VWDE: variants seen among roughly 807,000 people sequenced by gnomAD.
VWDE encodes the protein von Willebrand factor D and EGF domains.
VWDE carries 207 observed loss-of-function variants against 178.4 expected under a neutral mutation model. The ratio of observed to expected loss-of-function variants is 1.16; its 90% CI spans 1.04 to 1.30. VWDE has a LOEUF of 1.30. VWDE is among the 50% of genes most tolerant of loss of function. VWDE has a pLI of 0.00. For missense variants in VWDE, 2,287 were observed against 1,901.3 expected (o/e 1.20, Z -3.77); for synonymous variants, 738 against 651.4 (o/e 1.13, Z -2.02).
intron 13 of VWDE, among the ~76,000 whole-genome samples, chr7:12,363,245 C>T (rs1311103377): frequency 6.6e-6 from 1 of 151,934 alleles, no homozygotes; most frequent in African/African-American, 2.4e-5. Flanking sequence ...AGGGAGACTG[C>T]TATTTGGACA....
At chr7:12,353,207 G>A (rs564156777) in intron 18 of VWDE, among the ~76,000 whole-genome samples, 6 of 152,274 alleles carry the variant, frequency 3.9e-5, no homozygotes, top group Admixed American at 2.0e-4. Context: ...GATCAAACTA[G>A]CTGACTGAGT....
At position 12,342,088 on chromosome 7, in the gene VWDE, G is replaced by A. The variant is rs1274679227; in HGVS notation, c.4241C>T (p.Pro1414Leu). The A allele has an allele frequency of 5.2e-6, 8 of 1,551,076 alleles. No homozygotes were observed. Among genetic ancestry groups the A allele is most frequent in the Non-Finnish European group, 8.7e-7 (1 of 1,146,882 alleles). Residue 1414 changes from proline (P) to leucine (L), a missense_variant, in exon 23 of 29, where the codon CCT (proline) becomes CTT (leucine). By Grantham distance (98) the Pro-to-Leu change is moderately conservative (BLOSUM62 -3). Coordinates refer to ENST00000275358, the MANE Select transcript of VWDE (RefSeq NM_001135924.3). Reference protein sequence around the residue: ...CLTPDICQCKPGWYGPTCSTA... With the variant: ...CLTPDICQCKLGWYGPTCSTA... ...ACTACAGGTGGGTCCATACCAGCCA[G>A]GTTTGCACTGGCAAATATCTGGTGT...
chr7:12,402,709 T>C (rs1346371266), intron 1 of VWDE, among the ~76,000 whole-genome samples: 1 of 152,188 alleles, frequency 6.6e-6, no homozygotes, highest in Non-Finnish European at 1.5e-5. Context: ...AAAAATATCA[T>C]TGCAGAAAAT....
chr7:12,357,583 T>G, intron 16 of VWDE, 68 bp from the exon 17 acceptor site: 2 of 1,483,714 alleles, frequency 1.3e-6, no homozygotes. Context: ...TTCTGAGAGC[T>G]CCCACAGAGA....
At position 12,396,332 on chromosome 7, in the gene VWDE, C is replaced by A. The variant is rs78901052; in HGVS notation, c.59-2554G>T. On this transcript the variant is annotated intron_variant, in intron 1 of 28. Transcript: ENST00000275358. ...CAATATATTAAGAAGCCAAATAAAT[C>A]ATTTTATTTTTAAGAGATAAACATG... Among the ~76,000 whole-genome samples the A allele has an allele frequency of 4.0e-3, 609 of 151,310 alleles. 1 individual carries two copies. Among genetic ancestry groups the A allele is most frequent in the Non-Finnish European group, 5.8e-3 (394 of 67,580 alleles).
intron 18 of VWDE, among the ~76,000 whole-genome samples, chr7:12,355,426 A>G (rs1485479335): frequency 6.6e-6 from 1 of 151,802 alleles, no homozygotes; most frequent in African/African-American, 2.4e-5. Flanking sequence ...AAAAAAAAAA[A>G]AAAGTGCTGA....
intron 3 of VWDE, among the ~76,000 whole-genome samples, chr7:12,386,308 C>G (rs1550390): frequency 4.6e-5 from 7 of 152,046 alleles, no homozygotes; most frequent in Admixed American, 4.6e-4. Flanking sequence ...CTAATGAATG[C>G]CACTAGCTAT....
At chr7:12,402,952 C>A (rs847991) in intron 1 of VWDE, among the ~76,000 whole-genome samples, 8,347 of 151,938 alleles carry the variant, frequency 0.055, 300 homozygotes, top group Middle Eastern at 0.11. Flanking sequence ...AATATAAGAA[C>A]AAGTCACCTT....
intron 19 of VWDE, among the ~76,000 whole-genome samples, chr7:12,349,028 A>G (rs970683047): frequency 6.6e-6 from 1 of 152,144 alleles, no homozygotes; most frequent in African/African-American, 2.4e-5. Flanking sequence ...CTGAACAATG[A>G]GAACACATGG....
chr7:12,332,685 C>T (rs1244975229), intron 28 of VWDE, among the ~76,000 whole-genome samples: 1 of 152,090 alleles, frequency 6.6e-6, no homozygotes, highest in African/African-American at 2.4e-5. Context: ...AACCATAGCC[C>T]TATTATGATC....
At chr7:12,380,394 G>A (rs576647428) in intron 5 of VWDE, 92 bp downstream of exon 5, 31 of 1,457,466 alleles carry the variant, frequency 2.1e-5, no homozygotes, top group Admixed American at 2.0e-4. Flanking sequence ...ATACTCTGGG[G>A]ACAAAATCTA....
intron 7 of VWDE, 22 bp downstream of exon 7, chr7:12,377,754 T>G: frequency 7.3e-7 from 1 of 1,376,570 alleles, no homozygotes; most frequent in Non-Finnish European, 9.6e-7. Flanking sequence ...AATAATAAGA[T>G]AAAATAAAGT....
intron 4 of VWDE, among the ~76,000 whole-genome samples, chr7:12,382,941 A>C (rs569569431): frequency 6.6e-6 from 1 of 151,866 alleles, no homozygotes; most frequent in Non-Finnish European, 1.5e-5. Context: ...AAAGGAAGAG[A>C]AAAATTTTAA....
At position 12,403,843 on chromosome 7, in the gene VWDE, G is replaced by C. The variant is rs1254825493; in HGVS notation, c.-127C>G. 2.0e-6 allele frequency: 2 copies of C among 1,000,826 alleles called. No homozygotes were observed. The highest frequency in any genetic ancestry group is 3.0e-6 in the Non-Finnish European group (2 of 677,364). The allele number at this position is 1,000,826 out of a possible 1,614,324, so 62.0% of individuals were successfully genotyped here. A position where few individuals can be genotyped will look rare whatever the true frequency, so the allele number is the denominator to read the frequency against. The stretch of plus-strand genomic sequence containing the variant: ...TCTCAGTCTGTTGCTGCTTGGAACA[G>C]GGAAGCTCCGCGTCCTCGTTCTGGG... On this transcript the variant is annotated 5_prime_UTR_variant, in exon 1 of 29. Transcript: ENST00000275358.
At chr7:12,337,575 G>A (rs1781114563) in intron 24 of VWDE, among the ~76,000 whole-genome samples, 1 of 152,142 alleles carries the variant, frequency 6.6e-6, no homozygotes, top group South Asian at 2.1e-4. Flanking sequence ...AGCATGGAAT[G>A]ATCTAGACAA....
rs1370935544 is a variant in VWDE at position 12,342,053 on chromosome 7, T to C, written c.4270+6A>G. 1.4e-5 allele frequency: 21 copies of C among 1,546,670 alleles called. No homozygotes were observed. Among genetic ancestry groups the C allele is most frequent in the Non-Finnish European group, 1.8e-5 (21 of 1,143,016 alleles). On this transcript the variant is annotated splice_donor_region_variant and intron_variant, in intron 23 of 28. Transcript: ENST00000275358. Reference sequence around the variant, plus strand: ...ACATGTTCATTGAAAATATTTCCAATTTTACCTGTACTACAGGTGGGTCCA... The same window carrying C: ...ACATGTTCATTGAAAATATTTCCAACTTTACCTGTACTACAGGTGGGTCCA...
At chr7:12,343,614 T>A (rs943403312) in intron 21 of VWDE, among the ~76,000 whole-genome samples, 1 of 152,190 alleles carries the variant, frequency 6.6e-6, no homozygotes, top group African/African-American at 2.4e-5. Context: ...TCTCAGCTTA[T>A]CCATAATTAT....
intron 18 of VWDE, among the ~76,000 whole-genome samples, chr7:12,355,247 T>G (rs1005552779): frequency 4.6e-5 from 7 of 152,084 alleles, no homozygotes; most frequent in South Asian, 2.1e-4. Flanking sequence ...AAACCCCATC[T>G]CTACTAAAAA....
At chr7:12,396,354 CATG>C (rs78354476) in intron 1 of VWDE, among the ~76,000 whole-genome samples, 14,611 of 152,062 alleles carry the variant, frequency 0.096, 997 homozygotes, top group Non-Finnish European at 0.14. Context: ...AAGAGATAAA[CATG>C]CATAACCCTT....
Sources: gnomAD v4.1 joint callset for allele counts (sites outside exome capture counted in the v4.1 genomes callset) on GRCh38, gnomAD v4.1.1 for gene constraint, MANE v1.5 for transcripts, NCBI Gene and HGNC (gene_info 2026-07-23, HGNC 2026-07-21) for gene names.